Variants in MYBL2 observed in about 807,000 individuals in gnomAD.
MYBL2 encodes MYB proto-oncogene like 2.
MYBL2 carries 28 observed loss-of-function variants against 79.9 expected under a neutral mutation model. That is an observed-to-expected ratio of 0.35 (90% CI 0.26 to 0.48). The LOEUF (loss-of-function observed/expected upper bound fraction) is 0.48, where lower values mean the gene tolerates loss of function less well. Ranked by LOEUF, MYBL2 falls within the 20% of genes least tolerant of loss-of-function variation. MYBL2 has a pLI of 0.99. For missense variants in MYBL2, 735 were observed against 893.9 expected (o/e 0.82, Z 2.27); for synonymous variants, 378 against 361.2 (o/e 1.05, Z -0.53).
chr20:43,709,792 C>T (rs1367720898), intron 9 of MYBL2, among the ~76,000 whole-genome samples, 171 bp from the exon 10 acceptor site: 1 of 152,216 alleles, frequency 6.6e-6, no homozygotes, highest in African/African-American at 2.4e-5. Context: ...TCCCCTCTCC[C>T]TTCTGTTTCC....
intron 4 of MYBL2, among the ~76,000 whole-genome samples, chr20:43,685,471 G>A (rs542806068): frequency 6.2e-4 from 95 of 152,086 alleles, no homozygotes; most frequent in African/African-American, 2.2e-3. Flanking sequence ...GTGAGCCACC[G>A]GGCCTGGCCT....
intron 8 of MYBL2, among the ~76,000 whole-genome samples, chr20:43,704,565 A>C (rs1305658285): frequency 6.6e-6 from 1 of 152,210 alleles, no homozygotes; most frequent in African/African-American, 2.4e-5. Flanking sequence ...TGAGGGTTGC[A>C]GATGGCTCTC....
rs1460246996 is a variant in MYBL2, at chr20:43,699,770, C to G, written c.677C>G (p.Thr226Ser). The G allele has an allele frequency of 6.2e-7, 1 of 1,613,946 alleles. No homozygotes were observed. The highest frequency in any genetic ancestry group is 8.5e-7 in the Non-Finnish European group (1 of 1,180,022). ...QPTEGQGSLL[T>S]NWPSVPPTIK... ...TGTGTCTTACAGGGAAGTCTTCTGA[C>G]CAACTGGCCCTCCGTCCCTCCTACC... The change falls in exon 7 of 14, where the codon ACC becomes AGC. Residue 226 changes from threonine (T) to serine (S), a missense_variant. Coordinates refer to ENST00000217026, the MANE Select transcript of MYBL2 (RefSeq NM_002466.4).
chr20:43,692,416 C>T (rs1420926803), intron 6 of MYBL2, 97 bp downstream of exon 6: 8 of 1,482,636 alleles, frequency 5.4e-6, no homozygotes, highest in Admixed American at 2.0e-5. Context: ...TCAGTTTCTG[C>T]CACAGAGTCT....
intron 2 of MYBL2, among the ~76,000 whole-genome samples, chr20:43,675,601 C>T (rs1460339490): frequency 6.6e-6 from 1 of 152,204 alleles, no homozygotes; most frequent in Non-Finnish European, 1.5e-5. Flanking sequence ...GCATGAGCCA[C>T]TACGGTGAGC....
At chr20:43,673,391 C>A (rs1008886981) in intron 1 of MYBL2, among the ~76,000 whole-genome samples, 2 of 151,772 alleles carry the variant, frequency 1.3e-5, no homozygotes, top group African/African-American at 4.8e-5. Context: ...AGTCCCAACA[C>A]TTTGGGAGGC....
At chr20:43,714,563 TCTTTA>T (rs1328734765) in intron 12 of MYBL2, among the ~76,000 whole-genome samples, 1 of 152,112 alleles carries the variant, frequency 6.6e-6, no homozygotes, top group African/African-American at 2.4e-5. Context: ...CACACACGTT[TCTTTA>T]CTTGATTACT....
At chr20:43,673,762 A>G (rs1186960029) in intron 1 of MYBL2, 44 bp from the exon 2 acceptor site, 6 of 1,557,430 alleles carry the variant, frequency 3.9e-6, no homozygotes, top group East Asian at 2.3e-5. Context: ...TATGTAAAAC[A>G]TATGGACACA....
intron 1 of MYBL2, among the ~76,000 whole-genome samples, chr20:43,673,480 T>C (rs1185041655): frequency 6.6e-6 from 1 of 151,412 alleles, no homozygotes; most frequent in East Asian, 2.0e-4. Context: ...CTACAAAAAA[T>C]ACAAAAGTTA....
chr20:43,698,351 A>ATT (rs71193701), intron 6 of MYBL2, among the ~76,000 whole-genome samples: 3 of 49,092 alleles, frequency 6.1e-5, no homozygotes, highest in Admixed American at 3.1e-4. Context: ...CGCCCCGCAT[A>ATT]TTTTTTTTTT....
intron 1 of MYBL2, among the ~76,000 whole-genome samples, chr20:43,668,533 C>T (rs6093870): frequency 6.6e-6 from 1 of 151,996 alleles, no homozygotes; most frequent in East Asian, 1.9e-4. Flanking sequence ...ATAGCCTCAT[C>T]TAAAGATGAA....
chr20:43,673,550 T>C, intron 1 of MYBL2: 1 of 526,902 alleles, frequency 1.9e-6, no homozygotes, highest in Non-Finnish European at 3.6e-6. Context: ...GGCGGGACGA[T>C]CATTTGAGTC....
chr20:43,716,269 T>C lies in MYBL2; in HGVS notation c.*182T>C. On this transcript the variant is annotated 3_prime_UTR_variant, in exon 14 of 14. Transcript: ENST00000217026. ...GCTGCCCTGTTGCCGAGCCCAGCTG[T>C]GGGCGGCTCCTGGTGCTAACAACAA... The C allele has an allele frequency of 1.1e-6, 1 of 902,788 alleles. No individual in the cohort carries two copies. The highest frequency in any genetic ancestry group is 3.3e-5 in the Admixed American group (1 of 30,406). The allele number at this position is 902,788 out of a possible 1,614,324, so 55.9% of individuals were successfully genotyped here.
intron 4 of MYBL2, 46 bp from the exon 5 acceptor site, chr20:43,686,806 G>T (rs745964719): frequency 1.3e-6 from 2 of 1,585,864 alleles, no homozygotes; most frequent in Admixed American, 3.4e-5. Flanking sequence ...TGGTGGGGGC[G>T]AGAGAGGGGC....
chr20:43,710,710 A>G (rs1261698865), intron 10 of MYBL2, among the ~76,000 whole-genome samples: 3 of 152,144 alleles, frequency 2.0e-5, no homozygotes, highest in Non-Finnish European at 4.4e-5. Flanking sequence ...GGAGCCTCCT[A>G]TGAAGCCCAA....
rs199964735 is a variant in MYBL2, at chr20:43,702,638, G to C, written c.1100G>C (p.Ser367Thr). The change falls in exon 8 of 14, where the codon AGT (serine) becomes ACT (threonine). Residue 367 changes from serine (S) to threonine (T), a missense_variant. By Grantham distance (58) the Ser-to-Thr change is moderately conservative. Around this residue, in one of 5 missense-constraint regions of MYBL2, gnomAD observed 243 missense variants for 327.2 expected, o/e 0.74. Coordinates refer to ENST00000217026, the MANE Select transcript of MYBL2 (RefSeq NM_002466.4). ...CGCCAGCCTTCCGCCCTGGTGCCCA[G>C]TGTGACCGAGTACCGCCTGGATGGC... ...PPRQPSALVP[S>T]VTEYRLDGHT... is the part of the protein sequence containing the mutation. 268 of 1,613,962 alleles carry C rather than the reference G, an allele frequency of 1.7e-4. No individual in the cohort carries two copies. Among genetic ancestry groups the C allele is most frequent in the Non-Finnish European group, 2.2e-4 (257 of 1,180,054 alleles).
chr20:43,706,733 TGAGATGGAGTC>T (rs1568876383), intron 9 of MYBL2, among the ~76,000 whole-genome samples: 10 of 136,960 alleles, frequency 7.3e-5, no homozygotes, highest in Admixed American at 1.5e-4. Flanking sequence ...TTTTTTTTTT[TGAGATGGAGTC>T]TTGCTTTATC....
At chr20:43,711,997 T>C (rs537175569) in intron 11 of MYBL2, among the ~76,000 whole-genome samples, 3 of 151,448 alleles carry the variant, frequency 2.0e-5, no homozygotes, top group East Asian at 3.9e-4. Flanking sequence ...GAAAGGGAGG[T>C]TCCAAAGGAA....
intron 1 of MYBL2, among the ~76,000 whole-genome samples, chr20:43,673,088 C>T (rs1986906135): frequency 6.6e-6 from 1 of 152,010 alleles, no homozygotes; most frequent in Non-Finnish European, 1.5e-5. Flanking sequence ...AGATTACAGG[C>T]ATGCGCCACC....
Sources: gnomAD v4.1 joint callset for allele counts (sites outside exome capture counted in the v4.1 genomes callset) on GRCh38, gnomAD v4.1.1 for gene constraint, gnomAD v4.1.1 regional missense constraint, MANE v1.5 for transcripts, NCBI Gene and HGNC (gene_info 2026-07-23, HGNC 2026-07-21) for gene names.